The following TTC22 variants were observed in gnomAD, a reference collection of about 807,000 sequenced individuals.
TTC22 encodes tetratricopeptide repeat domain 22, also known as tetratricopeptide repeat protein 22.
Under a neutral mutation model 48.2 loss-of-function variants are expected in TTC22, and 42 were observed. The ratio of observed to expected loss-of-function variants is 0.87; its 90% CI spans 0.68 to 1.13. The LOEUF is 1.13. TTC22 is among the 50% of genes most tolerant of loss of function. TTC22 has a pLI of 0.00. For missense variants in TTC22, 784 were observed against 807.0 expected (o/e 0.97, Z 0.34); for synonymous variants, 345 against 365.5 (o/e 0.94, Z 0.64).
intron 5 of TTC22, chr1:54,784,496 C>T: frequency 2.0e-6 from 2 of 987,098 alleles, no homozygotes; most frequent in South Asian, 8.6e-5. Flanking sequence ...ATGGACATGT[C>T]CGGCCTCTCT....
At chr1:54,782,595 G>A (rs1646271649) in intron 5 of TTC22, 118 bp from the exon 6 acceptor site, 1 of 1,142,580 alleles carries the variant, frequency 8.8e-7, no homozygotes, top group Non-Finnish European at 1.2e-6. Flanking sequence ...ATGTGTTGCA[G>A]TAGAAAGACC....
chr1:54,796,701 T>TA (rs1646394717), intron 1 of TTC22, among the ~76,000 whole-genome samples: 1 of 152,144 alleles, frequency 6.6e-6, no homozygotes, highest in African/African-American at 2.4e-5. Flanking sequence ...GATTTTTTTT[T>TA]AATCTTAGAC....
At position 54,793,783 on chromosome 1, in the gene TTC22, A is replaced by G. The variant is rs74382014; in HGVS notation, c.568-5686T>C. Among the ~76,000 whole-genome samples the G allele has an allele frequency of 1.4e-4, 21 of 152,312 alleles. No individual in the cohort carries two copies. In the East Asian group the frequency reaches 3.9e-3, roughly 28 times the overall value. ...CATTAGACTTTCTCAAGGGTTACCT[A>G]TGGGGTAGGGATTGTTATTCTCCCA... On this transcript the variant is annotated intron_variant, in intron 1 of 6. Coordinates refer to ENST00000371276, the MANE Select transcript of TTC22 (RefSeq NM_001114108.2).
chr1:54,784,696 A>T, intron 5 of TTC22: 1 of 1,190,268 alleles, frequency 8.4e-7, no homozygotes, highest in Non-Finnish European at 1.1e-6. Flanking sequence ...TAATTAAGCC[A>T]CTGAGACCAA....
intron 1 of TTC22, among the ~76,000 whole-genome samples, chr1:54,791,217 G>A (rs1211534142): frequency 7.9e-5 from 12 of 152,334 alleles, no homozygotes; most frequent in Non-Finnish European, 2.9e-5. Flanking sequence ...CTGCTTTGAG[G>A]TTGGCTCAAC....
rs1646331479 is a variant in TTC22 at position 54,789,272 on chromosome 1, C to T, written c.568-1175G>A. ...GTACAGAGGAAGTGTGGGGGATGGG[C>T]AGGCCACTCCCAGCTGGGGGATGTG... On this transcript the variant is annotated intron_variant, in intron 1 of 6. Coordinates refer to ENST00000371276, the MANE Select transcript of TTC22 (RefSeq NM_001114108.2). Among the ~76,000 whole-genome samples the T allele has an allele frequency of 2.0e-5, 3 of 152,314 alleles. No homozygotes were observed. In the South Asian group the frequency reaches 6.2e-4, roughly 32 times the overall value.
intron 1 of TTC22, among the ~76,000 whole-genome samples, chr1:54,788,603 G>A (rs2101453800): frequency 6.6e-6 from 1 of 152,308 alleles, no homozygotes; most frequent in East Asian, 1.9e-4. Context: ...AAATATTTAT[G>A]CTGTTATTTA....
rs766357598 is a variant in TTC22, at chr1:54,800,963, A to G, written c.201T>C (p.Ala67=). The change falls in exon 1 of 7, where the codon GCT becomes GCC. Residue 67 remains alanine (A), a synonymous_variant. Coordinates refer to ENST00000371276, the MANE Select transcript of TTC22 (RefSeq NM_001114108.2). Reference sequence around the variant, plus strand: ...CGAAAGCGCCCAGGAGGTGACGCACAGCGGGGCGCTGCGGGGCGGCCGCCA... The same window carrying G: ...CGAAAGCGCCCAGGAGGTGACGCACGGCGGGGCGCTGCGGGGCGGCCGCCA... The part of the protein sequence containing the change: ...LQLAAAPQRP[A]VRHLLGAFAF... 11 of 1,604,778 alleles carry G rather than the reference A, an allele frequency of 6.9e-6. No individual in the cohort carries two copies. In the Admixed American group the frequency reaches 1.7e-4, roughly 25 times the overall value.
At chr1:54,786,397 A>G in intron 4 of TTC22, 1 of 426,328 alleles carries the variant, frequency 2.3e-6, no homozygotes, top group Non-Finnish European at 4.2e-6. Flanking sequence ...ACATCCAGTA[A>G]AGCCTTCCAG....
intron 1 of TTC22, among the ~76,000 whole-genome samples, chr1:54,789,518 A>T (rs950294455): frequency 5.3e-5 from 8 of 152,234 alleles, no homozygotes; most frequent in African/African-American, 1.9e-4. Flanking sequence ...CTTGTGAGTC[A>T]GATCCCACCA....
At chr1:54,795,956 C>T (rs771637956) in intron 1 of TTC22, among the ~76,000 whole-genome samples, 15 of 152,266 alleles carry the variant, frequency 9.9e-5, no homozygotes, top group African/African-American at 1.9e-4. Flanking sequence ...GTCAGCCACA[C>T]GTGCCCTTGG....
rs1230782987 is a variant in TTC22 at position 54,782,356 on chromosome 1, G to A, written c.1142C>T (p.Pro381Leu). ...GATGTCCAGGTACGCCTTGAAGCCT[G>A]GGCACACCCTGACCACTTCCTCAAG... ...ADLEEVVRVC[P>L]GFKAYLDIGQ... The change falls in exon 6 of 7, where the codon CCA becomes CTA. Residue 381 changes from proline to leucine, a missense_variant. Transcript: ENST00000371276. The A allele has an allele frequency of 1.3e-6, 2 of 1,549,432 alleles. No homozygotes were observed. Among genetic ancestry groups the A allele is most frequent in the Non-Finnish European group, 1.7e-6 (2 of 1,145,972 alleles).
chr1:54,791,960 C>T (rs1027237867), intron 1 of TTC22, among the ~76,000 whole-genome samples: 2 of 151,870 alleles, frequency 1.3e-5, no homozygotes, highest in Non-Finnish European at 2.9e-5. Context: ...AAGTGGCTTA[C>T]CTAAGGTTCC....
intron 1 of TTC22, among the ~76,000 whole-genome samples, chr1:54,790,284 A>G (rs774755299): frequency 1.3e-5 from 2 of 152,306 alleles, no homozygotes; most frequent in Non-Finnish European, 2.9e-5. Flanking sequence ...AAAGCCTGAG[A>G]TGGGAGAATT....
Position 54,800,861 on chromosome 1 carries a change from A to G in TTC22, c.303T>C (p.Asn101=), listed in dbSNP as rs2101479438. 6.2e-7 allele frequency: 1 copy of G among 1,610,244 alleles called. No individual in the cohort carries two copies. Among genetic ancestry groups the G allele is most frequent in the Non-Finnish European group, 8.5e-7 (1 of 1,179,126 alleles). ...EVAHEHPGNL[N]AWANLAHVYG... ...ACACGTGTGCCAGATTGGCCCAGGC[A>G]TTGAGGTTGCCCGGGTGCTCGTGGG... The change falls in exon 1 of 7, where the codon AAT becomes AAC. Residue 101 remains asparagine, a synonymous_variant. Coordinates refer to ENST00000371276, the MANE Select transcript of TTC22 (RefSeq NM_001114108.2).
rs1240859649 is a variant in TTC22, at chr1:54,781,480, C to T, written c.1473G>A (p.Gly491=). 42 of 1,474,250 alleles carry T rather than the reference C, an allele frequency of 2.8e-5. No homozygotes were observed. The highest frequency in any genetic ancestry group is 3.7e-5 in the Non-Finnish European group (42 of 1,122,122). 91.3% of individuals were successfully genotyped at this position (1,474,250 alleles called of 1,614,324 possible). The part of the protein sequence containing the change: ...AQWSQAQLSD[G]ELGREVDAWL... Reference sequence around the variant, plus strand: ...AGGCGTCCACCTCGCGGCCCAGCTCCCCGTCGCTCAGCTGTGCCTGGCTCC... The same window carrying T: ...AGGCGTCCACCTCGCGGCCCAGCTCTCCGTCGCTCAGCTGTGCCTGGCTCC... Residue 491 remains glycine (G), a synonymous_variant, in exon 7 of 7, where the codon GGG becomes GGA. Coordinates refer to ENST00000371276, the MANE Select transcript of TTC22 (RefSeq NM_001114108.2).
intron 1 of TTC22, among the ~76,000 whole-genome samples, chr1:54,797,614 C>T (rs1305277382): frequency 6.6e-6 from 1 of 152,064 alleles, no homozygotes; most frequent in African/African-American, 2.4e-5. Context: ...TGCCATTGCA[C>T]TCTAGACTCA....
In TTC22 at chr1:54,781,292, T is replaced by G; in HGVS notation, c.1661A>C (p.Glu554Ala). 6.8e-7 allele frequency: 1 copy of G among 1,476,606 alleles called. No homozygotes were observed. Among genetic ancestry groups the G allele is most frequent in the Non-Finnish European group, 8.9e-7 (1 of 1,122,346 alleles). The allele number at this position is 1,476,606 out of a possible 1,614,324, so 91.5% of individuals were successfully genotyped here. A position where few individuals can be genotyped will look rare whatever the true frequency, so the allele number is the denominator to read the frequency against. ...VRLLFETMER[E>A]GEGASAPRDR... ...CCGCGGCGCGCTGGCGCCCTCGCCCTCGCGCTCCATGGTCTCGAAGAGCAG... is the reference window on the plus strand; with the variant it reads ...CCGCGGCGCGCTGGCGCCCTCGCCCGCGCGCTCCATGGTCTCGAAGAGCAG... Residue 554 changes from glutamate to alanine, a missense_variant, in exon 7 of 7, where the codon GAG becomes GCG. Glu to Ala is a moderately radical substitution (Grantham distance 107). Transcript: ENST00000371276.
At chr1:54,785,014 C>A in intron 5 of TTC22, 1 of 212,666 alleles carries the variant, frequency 4.7e-6, no homozygotes. Context: ...CTTATGAAAT[C>A]TTACTGTGTG....
Sources: allele counts gnomAD v4.1 joint callset (sites outside exome capture counted in the v4.1 genomes callset), GRCh38; gene constraint gnomAD v4.1.1; transcripts MANE v1.5; gene names NCBI Gene and HGNC (gene_info 2026-07-23, HGNC 2026-07-21).